CYP2R1: variants seen among roughly 807,000 people sequenced by gnomAD.
CYP2R1 encodes cytochrome P450 family 2 subfamily R member 1, also known as vitamin D 25-hydroxylase.
Under a neutral mutation model 45.7 loss-of-function variants are expected in CYP2R1, and 40 were observed. The ratio of observed to expected loss-of-function variants is 0.87; its 90% CI spans 0.68 to 1.14. CYP2R1 has a LOEUF of 1.14. Among genes scored for constraint, CYP2R1 ranks in the 50% most tolerant of loss-of-function variants. The probability of loss-of-function intolerance (pLI) is 0.00; values close to 1 mark genes in which losing one functional copy is unlikely to be tolerated. For synonymous variants in CYP2R1, 234 were observed against 219.3 expected (o/e 1.07, Z -0.59); for missense variants, 605 against 602.6 (o/e 1.00, Z -0.04).
At chr11:14,878,855 A>G (rs1011186430) in intron 4 of CYP2R1, among the ~76,000 whole-genome samples, 1 of 152,096 alleles carries the variant, frequency 6.6e-6, no homozygotes, top group African/African-American at 2.4e-5. Flanking sequence ...TTCTCATTCC[A>G]CAAGTTTTGA....
In CYP2R1 at chr11:14,892,076, G is replaced by C. The variant is rs1555017291; in HGVS notation, c.130C>G (p.Pro44Ala). 1 of 1,611,908 alleles carries C rather than the reference G, an allele frequency of 6.2e-7. No individual in the cohort carries two copies. Among genetic ancestry groups the C allele is most frequent in the South Asian group, 1.1e-5 (1 of 91,054 alleles). Reference sequence around the variant, plus strand: ...ATGTTGCCGATAAATGGCAGCCCCGGCGGCCCCGGGGGGAAGCCCATCGGC... The same window carrying C: ...ATGTTGCCGATAAATGGCAGCCCCGCCGGCCCCGGGGGGAAGCCCATCGGC... ...RRPMGFPPGPPGLPFIGNIYS... is the reference protein window; with the variant it reads ...RRPMGFPPGPAGLPFIGNIYS... Residue 44 changes from proline (P) to alanine (A), a missense_variant, in exon 1 of 5, where the codon CCG becomes GCG. By Grantham distance (27) the Pro-to-Ala change is conservative. Transcript: ENST00000334636.
At chr11:14,880,113 G>C in intron 3 of CYP2R1, 23 bp downstream of exon 3, 1 of 1,611,250 alleles carries the variant, frequency 6.2e-7, no homozygotes, top group Non-Finnish European at 8.5e-7. Flanking sequence ...GATAGACCCT[G>C]AGATCATCAA....
chr11:14,880,029 A>G, intron 3 of CYP2R1, 107 bp downstream of exon 3: 3 of 1,067,690 alleles, frequency 2.8e-6, no homozygotes, highest in Non-Finnish European at 4.1e-6. Flanking sequence ...CTTGGCTGGC[A>G]TCGCAGGAGT....
intron 2 of CYP2R1, among the ~76,000 whole-genome samples, chr11:14,882,676 T>C (rs12291909): frequency 0.05 from 7,640 of 152,288 alleles, 316 homozygotes; most frequent in Non-Finnish European, 0.079. Context: ...TTGGAAGTTC[T>C]GGCCAGGGCA....
chr11:14,891,213 C>T (rs1432543776), intron 1 of CYP2R1: 8 of 985,254 alleles, frequency 8.1e-6, no homozygotes, highest in Non-Finnish European at 9.6e-6. Flanking sequence ...CTGCTTTCCC[C>T]TCCGCAGAAT....
intron 1 of CYP2R1, chr11:14,887,738 G>A (rs1848674442): frequency 1.6e-6 from 1 of 633,770 alleles, no homozygotes; most frequent in Non-Finnish European, 2.0e-6. Context: ...CCTTCAAGTG[G>A]TTGAGGCCCA....
chr11:14,881,105 C>T (rs1848367298), intron 2 of CYP2R1, among the ~76,000 whole-genome samples: 1 of 151,986 alleles, frequency 6.6e-6, no homozygotes, highest in Non-Finnish European at 1.5e-5. Flanking sequence ...GACAAATGAC[C>T]ACATGTTCAA....
chr11:14,882,171 G>A (rs1475307043), intron 2 of CYP2R1, among the ~76,000 whole-genome samples: 1 of 151,984 alleles, frequency 6.6e-6, no homozygotes, highest in Admixed American at 6.6e-5. Flanking sequence ...TATGTTCCAG[G>A]CAATGTTCTA....
intron 1 of CYP2R1, chr11:14,886,609 G>C (rs1555014779): frequency 6.6e-6 from 1 of 152,386 alleles, no homozygotes; most frequent in East Asian, 1.9e-4. Context: ...CCTCACCCCA[G>C]GTTCACTTAC....
At chr11:14,886,840 TAGC>T in intron 1 of CYP2R1, 1 of 152,278 alleles carries the variant, frequency 6.6e-6, no homozygotes, top group East Asian at 1.9e-4. Flanking sequence ...ACAGGAGGCT[TAGC>T]AGAGAACAAA....
chr11:14,878,593 G>C (rs983464187), intron 4 of CYP2R1, among the ~76,000 whole-genome samples: 2 of 152,082 alleles, frequency 1.3e-5, no homozygotes, highest in Non-Finnish European at 2.9e-5. Context: ...GATCTAATTT[G>C]AGGTGAGACA....
At position 14,882,768 on chromosome 11, in the gene CYP2R1, G is replaced by T. The variant is rs190875516; in HGVS notation, c.368-2000C>A. The stretch of plus-strand genomic sequence containing the variant: ...GTCTCTGTTTGCAGATGACATGATT[G>T]TATAACGAGAAAACCCCACTGTCTC... On this transcript the variant is annotated intron_variant, in intron 2 of 4. Coordinates refer to ENST00000334636, the MANE Select transcript of CYP2R1 (RefSeq NM_024514.5). 4.0e-4 allele frequency among the ~76,000 whole-genome samples: 61 copies of T among 152,326 alleles called. 1 individual carries two copies. The highest frequency in any genetic ancestry group is 1.3e-3 in the African/African-American group (56 of 41,560).
At chr11:14,889,973 C>G (rs1166315332) in intron 1 of CYP2R1, among the ~76,000 whole-genome samples, 11 of 151,768 alleles carry the variant, frequency 7.2e-5, no homozygotes, top group African/African-American at 2.4e-4. Flanking sequence ...CTAAAAATTA[C>G]AAAAAATTAG....
At position 14,879,610 on chromosome 11, in the gene CYP2R1, T is replaced by C. The variant is rs184938506; in HGVS notation, c.1001-167A>G. ...GGGCGTTCTATTGAAATATATGCTA[T>C]ATATCTTGTACTAACAGTAGCCAGT... On this transcript the variant is annotated intron_variant, in intron 3 of 4. Transcript: ENST00000334636. 1.6e-3 allele frequency among the ~76,000 whole-genome samples: 243 copies of C among 152,170 alleles called. 1 individual carries two copies. Among genetic ancestry groups the C allele is most frequent in the Non-Finnish European group, 2.9e-3 (198 of 67,988 alleles).
chr11:14,884,231 CAT>C lies in CYP2R1; in HGVS notation c.367+1543_367+1544del, dbSNP rs1411568290. Among the ~76,000 whole-genome samples, 27 of 152,056 alleles carry C rather than the reference CAT, an allele frequency of 1.8e-4. 1 individual carries two copies. Among genetic ancestry groups the C allele is most frequent in the East Asian group, 8.0e-4 (4 of 5,014 alleles). On this transcript the variant is annotated intron_variant, in intron 2 of 4. Transcript: ENST00000334636. ...ATGCTGCTATAAAGACACATGCACA[CAT>C]ATGTTTATTGCGGCACTATTCACAA...
rs782670047 is a variant in CYP2R1 at position 14,879,404 on chromosome 11, T to TTAGGGCCCATAATTAA, written c.1024_1039dup (p.Asn347IlefsTer6). The TTAGGGCCCATAATTAA allele has an allele frequency of 6.2e-7, 1 of 1,606,610 alleles. No homozygotes were observed. The highest frequency in any genetic ancestry group is 8.5e-7 in the Non-Finnish European group (1 of 1,179,332). On this transcript the variant is annotated stop_gained and frameshift_variant, in exon 4 of 5. Transcript: ENST00000334636. LOFTEE classifies it high-confidence loss of function. ...TTTGTCGTCCCAAGAAGGCTTCCCA[T>TTAGGGCCCATAATTAA]TAGGGCCCATAATTAAATCAATCTC... is the stretch of plus-strand genomic sequence containing the variant.
At chr11:14,891,738 C>A in intron 1 of CYP2R1, 1 of 1,332,116 alleles carries the variant, frequency 7.5e-7, no homozygotes, top group Non-Finnish European at 9.6e-7. Flanking sequence ...AGGACTGGAT[C>A]GCCTCGGAGC....
At chr11:14,882,952 A>G (rs1848449427) in intron 2 of CYP2R1, among the ~76,000 whole-genome samples, 1 of 152,140 alleles carries the variant, frequency 6.6e-6, no homozygotes, top group Non-Finnish European at 1.5e-5. Context: ...AAGAGAATAA[A>G]ATACCTAGGA....
intron 3 of CYP2R1, 72 bp from the exon 4 acceptor site, chr11:14,879,515 T>C: frequency 1.6e-6 from 2 of 1,264,462 alleles, no homozygotes; most frequent in South Asian, 2.5e-5. Context: ...CCCTCTGGAA[T>C]AAAATAAAGG....
Sources: gnomAD v4.1 joint callset for allele counts (sites outside exome capture counted in the v4.1 genomes callset) on GRCh38, gnomAD v4.1.1 for gene constraint, MANE v1.5 for transcripts, NCBI Gene and HGNC (gene_info 2026-07-23, HGNC 2026-07-21) for gene names.